ADAMTS2: variants seen among roughly 807,000 people sequenced by gnomAD.
The protein encoded by ADAMTS2 is A disintegrin and metalloproteinase with thrombospondin motifs 2.
Under a neutral mutation model 123.0 loss-of-function variants are expected in ADAMTS2, and 50 were observed. The ratio of observed to expected loss-of-function variants is 0.41; its 90% CI spans 0.32 to 0.51. The LOEUF (loss-of-function observed/expected upper bound fraction) is 0.51, where lower values mean the gene tolerates loss of function less well. ADAMTS2 is among the 20% of genes least tolerant of loss of function. The pLI, the probability that ADAMTS2 is intolerant of heterozygous loss-of-function variation, is 0.35. For missense variants in ADAMTS2, 1,494 were observed against 1,705.2 expected (o/e 0.88, Z 2.18); for synonymous variants, 678 against 695.4 (o/e 0.98, Z 0.39).
rs2127463345 is a variant in ADAMTS2, at chr5:179,343,867, G to A, written c.434C>T (p.Thr145Ile). ...CCCGAGCAGGGGCTCCACGCGGGTG[G>A]TGCCCTTCTCGCCCTGCCACTCCAT... ...ATMEWQGEKG[T>I]TRVEPLLGSC... The change falls in exon 2 of 22, where the codon ACC becomes ATC. Residue 145 changes from threonine to isoleucine, a missense_variant. Thr to Ile is a moderately conservative substitution (Grantham distance 89, BLOSUM62 -1). This residue lies in a region of ADAMTS2 where 237 missense variants were observed against 233.7 expected (regional missense o/e 1.01). Coordinates refer to ENST00000251582, the MANE Select transcript of ADAMTS2 (RefSeq NM_014244.5). 1 of 1,596,886 alleles carries A rather than the reference G, an allele frequency of 6.3e-7. No homozygotes were observed. The highest frequency in any genetic ancestry group is 1.7e-4 in the Middle Eastern group (1 of 6,038).
chr5:179,123,245 C>T (rs1404622897), intron 19 of ADAMTS2, among the ~76,000 whole-genome samples: 1 of 152,334 alleles, frequency 6.6e-6, no homozygotes, highest in East Asian at 1.9e-4. Context: ...CCAGCACCAC[C>T]ACTGCTCCAC....
chr5:179,169,861 C>T (rs1350884941), intron 5 of ADAMTS2, among the ~76,000 whole-genome samples: 2 of 152,228 alleles, frequency 1.3e-5, no homozygotes, highest in Non-Finnish European at 2.9e-5. Flanking sequence ...GCATTCCACA[C>T]TTTGTCTTGA....
At position 179,260,320 on chromosome 5, in the gene ADAMTS2, C is replaced by T. The variant is rs1016042687; in HGVS notation, c.688+12591G>A. ...TATTCTTTCTTTTCACGGATATTTA[C>T]GCACCAACCGTGTGCCAGGCATTCC... On this transcript the variant is annotated intron_variant, in intron 3 of 21. Transcript: ENST00000251582. The surrounding 1 kb of genome is among the most constrained non-coding windows in gnomAD (Gnocchi z 4.2). Among the ~76,000 whole-genome samples the T allele has an allele frequency of 1.3e-5, 2 of 152,336 alleles. No homozygotes were observed. The highest frequency in any genetic ancestry group is 2.4e-5 in the African/African-American group (1 of 41,578).
intron 3 of ADAMTS2, among the ~76,000 whole-genome samples, chr5:179,246,309 T>C (rs1765800536): frequency 6.6e-6 from 1 of 152,196 alleles, no homozygotes; most frequent in Non-Finnish European, 1.5e-5. Context: ...TCTGCTGGCT[T>C]GCCTTTGTTT....
chr5:179,233,590 A>G (rs1385739056), intron 3 of ADAMTS2, among the ~76,000 whole-genome samples: 1 of 152,242 alleles, frequency 6.6e-6, no homozygotes, highest in African/African-American at 2.4e-5. Context: ...GGGAGGCTGG[A>G]GGCAGGAGAA....
rs1765266834 is a variant in ADAMTS2, at chr5:179,225,674, G to C, written c.689-17959C>G. The stretch of plus-strand genomic sequence containing the variant: ...CAGAAGCAGAACGACACGGAGTTTG[G>C]CCGGGGCAGTCAGAGGAGAGCCCAG... On this transcript the variant is annotated intron_variant, in intron 3 of 21. Transcript: ENST00000251582. This position sits in a 1 kb window ranked among gnomAD's most constrained non-coding sequence, Gnocchi z 4.5. 6.6e-6 allele frequency among the ~76,000 whole-genome samples: 1 copy of C among 152,180 alleles called. No homozygotes were observed. The highest frequency in any genetic ancestry group is 1.5e-5 in the Non-Finnish European group (1 of 68,026).
intron 3 of ADAMTS2, among the ~76,000 whole-genome samples, chr5:179,235,225 G>A (rs1765497402): frequency 6.6e-6 from 1 of 152,184 alleles, no homozygotes; most frequent in Non-Finnish European, 1.5e-5. Flanking sequence ...ACCAGACCAT[G>A]AGCTCCAGGG....
chr5:179,304,958 AG>A (rs554032229), intron 2 of ADAMTS2, among the ~76,000 whole-genome samples: 69 of 152,244 alleles, frequency 4.5e-4, no homozygotes, highest in African/African-American at 1.6e-3. Flanking sequence ...AGAGAAAAAC[AG>A]TGCATTACTT....
Position 179,332,109 on chromosome 5 carries a change from A to G in ADAMTS2, c.534+11658T>C, listed in dbSNP as rs548097542. ...AAAGTAACTGTGACCTTGGAATCAG[A>G]CAGACATGTGTTCATTAATAGAACA... is the stretch of plus-strand genomic sequence containing the variant. On this transcript the variant is annotated intron_variant, in intron 2 of 21. Transcript: ENST00000251582. This position sits in a 1 kb window ranked among gnomAD's most constrained non-coding sequence, Gnocchi z 4.2. Among the ~76,000 whole-genome samples, 10 of 152,370 alleles carry G rather than the reference A, an allele frequency of 6.6e-5. No individual in the cohort carries two copies. The highest frequency in any genetic ancestry group is 2.4e-4 in the African/African-American group (10 of 41,596).
intron 4 of ADAMTS2, among the ~76,000 whole-genome samples, chr5:179,201,540 C>A (rs1764563976): frequency 6.7e-6 from 1 of 148,742 alleles, no homozygotes; most frequent in East Asian, 2.0e-4. Context: ...AATCCCAGCA[C>A]TTTGGAAGGC....
At chr5:179,297,814 G>A (rs185936594) in intron 2 of ADAMTS2, among the ~76,000 whole-genome samples, 19 of 152,136 alleles carry the variant, frequency 1.2e-4, no homozygotes, top group African/African-American at 2.9e-4. Context: ...CTGCGTCTTC[G>A]GCCTCCTCCT....
At chr5:179,266,977 AC>A (rs1766388360) in intron 3 of ADAMTS2, among the ~76,000 whole-genome samples, 1 of 151,338 alleles carries the variant, frequency 6.6e-6, no homozygotes, top group African/African-American at 2.4e-5. Context: ...GAAACACTCA[AC>A]TCTTTGTGAG....
At chr5:179,323,533 T>A (rs891302880) in intron 2 of ADAMTS2, among the ~76,000 whole-genome samples, 1 of 152,184 alleles carries the variant, frequency 6.6e-6, no homozygotes, top group African/African-American at 2.4e-5. Flanking sequence ...CTGTGGGAGC[T>A]CCCTGGAGAG....
chr5:179,122,135 C>T (rs1159199977), intron 20 of ADAMTS2, among the ~76,000 whole-genome samples: 2 of 152,162 alleles, frequency 1.3e-5, no homozygotes, highest in East Asian at 3.9e-4. Context: ...ATACACCCTC[C>T]CCAGCTGGGG....
rs1032089684 is a variant in ADAMTS2 at position 179,188,930 on chromosome 5, T to C, written c.892-7775A>G. On this transcript the variant is annotated intron_variant, in intron 4 of 21. Transcript: ENST00000251582. This position sits in a 1 kb window ranked among gnomAD's most constrained non-coding sequence, Gnocchi z 5.1. The stretch of plus-strand genomic sequence containing the variant: ...AGGTCGCATTACAAACCTTCCCGGG[T>C]TTGTACTAACGACGGCAAGAGGCTG... Among the ~76,000 whole-genome samples the C allele has an allele frequency of 3.3e-5, 5 of 151,688 alleles. No homozygotes were observed. The highest frequency in any genetic ancestry group is 1.2e-4 in the African/African-American group (5 of 41,284).
intron 2 of ADAMTS2, among the ~76,000 whole-genome samples, chr5:179,309,509 C>A (rs924704799): frequency 3.3e-5 from 5 of 152,222 alleles, no homozygotes; most frequent in African/African-American, 4.8e-5. Flanking sequence ...GTAATCCCAG[C>A]ACTTTGGGAG....
rs1763802389 is a variant in ADAMTS2, at chr5:179,170,877, A to G, written c.975+10195T>C. On this transcript the variant is annotated intron_variant, in intron 5 of 21. Transcript: ENST00000251582. This position sits in a 1 kb window ranked among gnomAD's most constrained non-coding sequence, Gnocchi z 4.3. ...GCTGGCCGGATGCTTTGGGGGCACA[A>G]GGATACATCTCCTCCCACGTTCATC... Among the ~76,000 whole-genome samples the G allele has an allele frequency of 6.6e-6, 1 of 152,144 alleles. No individual in the cohort carries two copies. The highest frequency in any genetic ancestry group is 2.4e-5 in the African/African-American group (1 of 41,436).
chr5:179,220,101 C>A (rs1284062415), intron 3 of ADAMTS2, among the ~76,000 whole-genome samples: 2 of 152,264 alleles, frequency 1.3e-5, no homozygotes, highest in Non-Finnish European at 2.9e-5. Context: ...GGGAGCTGGC[C>A]TGGGTAATGT....
At chr5:179,290,561 G>T (rs1756156664) in intron 2 of ADAMTS2, among the ~76,000 whole-genome samples, 1 of 152,214 alleles carries the variant, frequency 6.6e-6, no homozygotes, top group Admixed American at 6.5e-5. Context: ...TGCATACGGA[G>T]GAAGCTGGGT....
Sources: allele counts gnomAD v4.1 joint callset (sites outside exome capture counted in the v4.1 genomes callset), GRCh38; gene constraint gnomAD v4.1.1; regional missense constraint gnomAD v4.1.1; non-coding constraint Gnocchi (gnomAD v3.1); transcripts MANE v1.5; gene names NCBI Gene and HGNC (gene_info 2026-07-23, HGNC 2026-07-21).